The following BTRC variants were observed in gnomAD, a reference collection of about 807,000 sequenced individuals.
BTRC encodes F-box/WD repeat-containing protein 1A.
Under a neutral mutation model 85.5 loss-of-function variants are expected in BTRC, and 42 were observed. The ratio of observed to expected loss-of-function variants is 0.49; its 90% CI spans 0.38 to 0.64. BTRC has a LOEUF of 0.64. Among genes scored for constraint, BTRC ranks in the 30% least tolerant of loss-of-function variants. The probability of loss-of-function intolerance (pLI) is 0.00; values close to 1 mark genes in which losing one functional copy is unlikely to be tolerated. For synonymous variants in BTRC, 255 were observed against 263.3 expected, an observed-to-expected ratio of 0.97 and a Z score of 0.30; for missense variants, 594 against 743.5, an observed-to-expected ratio of 0.80 and a Z score of 2.34.
At chr10:101,521,907 A>G (rs770662492) in intron 5 of BTRC, 37 bp downstream of exon 5, 11 of 1,502,020 alleles carry the variant, frequency 7.3e-6, no homozygotes, top group South Asian at 1.2e-5. Context: ...TTAATTTGCT[A>G]TGATGATAAG....
intron 1 of BTRC, chr10:101,354,610 G>T (rs982819222): frequency 1.4e-5 from 4 of 279,204 alleles, no homozygotes; most frequent in Non-Finnish European, 2.7e-5. Flanking sequence ...AGGGTTACCG[G>T]TAAGGCCCGG....
At chr10:101,433,031 G>A (rs1944441189) in intron 2 of BTRC, among the ~76,000 whole-genome samples, 1 of 152,094 alleles carries the variant, frequency 6.6e-6, no homozygotes, top group Non-Finnish European at 1.5e-5. Context: ...CATTTGTCCA[G>A]TCGCTAAATC....
chr10:101,354,455 G>C (rs1009667475), intron 1 of BTRC: 1 of 540,960 alleles, frequency 1.8e-6, no homozygotes, highest in Admixed American at 4.0e-5. Context: ...GAGAGGCCAA[G>C]TGACAGCGGG....
chr10:101,532,784 G>GTGTGTGTGTGTGTGTGTGTGTGTGTGTA (rs373538962), intron 8 of BTRC, among the ~76,000 whole-genome samples, 168 bp from the exon 9 acceptor site: 1 of 145,766 alleles, frequency 6.9e-6, no homozygotes, highest in Non-Finnish European at 1.5e-5. Flanking sequence ...GTGTGTGTGT[G>GTGTGTGTGTGTGTGTGTGTGTGTGTGTA]TGTGTGCGCG....
intron 1 of BTRC, among the ~76,000 whole-genome samples, chr10:101,426,745 T>C (rs1944261532): frequency 6.6e-6 from 1 of 152,272 alleles, no homozygotes; most frequent in South Asian, 2.1e-4. Context: ...AATAAATATG[T>C]ATATTTTAAT....
chr10:101,364,154 T>C (rs1942296456), intron 1 of BTRC, among the ~76,000 whole-genome samples: 1 of 152,116 alleles, frequency 6.6e-6, no homozygotes, highest in South Asian at 2.1e-4. Flanking sequence ...ACTATTGTGC[T>C]TTCTTCTTTC....
chr10:101,465,153 G>A (rs1177367723), intron 3 of BTRC, among the ~76,000 whole-genome samples: 1 of 152,070 alleles, frequency 6.6e-6, no homozygotes, highest in African/African-American at 2.4e-5. Flanking sequence ...TAGACAAAAA[G>A]ATGTCAAGGC....
chr10:101,440,463 A>G (rs888584247), intron 2 of BTRC, among the ~76,000 whole-genome samples: 4 of 152,128 alleles, frequency 2.6e-5, no homozygotes, highest in African/African-American at 4.8e-5. Flanking sequence ...GCTCATACCT[A>G]TAATCTCAAT....
chr10:101,550,995 A>T, intron 14 of BTRC, 104 bp downstream of exon 14: 1 of 1,060,334 alleles, frequency 9.4e-7, no homozygotes, highest in Non-Finnish European at 1.3e-6. Flanking sequence ...TGGGTCACCA[A>T]CTCCTGTAAA....
intron 1 of BTRC, among the ~76,000 whole-genome samples, chr10:101,371,979 T>C (rs891758348): frequency 1.3e-5 from 2 of 152,160 alleles, no homozygotes; most frequent in African/African-American, 4.8e-5. Context: ...CTTTTCTTTC[T>C]ATAGCCAGCT....
chr10:101,403,988 GTA>G (rs1302444880), intron 1 of BTRC, among the ~76,000 whole-genome samples: 1,639 of 98,314 alleles, frequency 0.017, 217 homozygotes, highest in Middle Eastern at 0.054. Flanking sequence ...CTATCTATGT[GTA>G]TGTGTGTGTG....
intron 6 of BTRC, among the ~76,000 whole-genome samples, chr10:101,526,564 G>A (rs1002274620): frequency 6.6e-6 from 1 of 152,190 alleles, no homozygotes; most frequent in Admixed American, 6.5e-5. Context: ...CAGATCACTC[G>A]AGGCCAGGAG....
chr10:101,484,872 A>G (rs1945940702), intron 4 of BTRC, among the ~76,000 whole-genome samples: 1 of 152,250 alleles, frequency 6.6e-6, no homozygotes, highest in Non-Finnish European at 1.5e-5. Flanking sequence ...ATTGGGTTAC[A>G]GAGATATACA....
intron 4 of BTRC, among the ~76,000 whole-genome samples, chr10:101,515,043 C>T (rs1280921090): frequency 6.6e-6 from 1 of 151,928 alleles, no homozygotes; most frequent in Non-Finnish European, 1.5e-5. Context: ...GCAGCCTCCA[C>T]CTCCCGGGTT....
chr10:101,488,804 A>G (rs778691136), intron 4 of BTRC, among the ~76,000 whole-genome samples: 7 of 152,164 alleles, frequency 4.6e-5, no homozygotes, highest in Non-Finnish European at 7.4e-5. Flanking sequence ...AAAGCTGGTT[A>G]CCAGGTACCC....
intron 1 of BTRC, among the ~76,000 whole-genome samples, chr10:101,369,750 C>A (rs1942579576): frequency 1.3e-5 from 2 of 152,210 alleles, no homozygotes; most frequent in African/African-American, 2.4e-5. Context: ...ACCATGAGTT[C>A]ACACTGATAT....
chr10:101,359,157 A>G (rs763943861), intron 1 of BTRC, among the ~76,000 whole-genome samples: 5 of 152,304 alleles, frequency 3.3e-5, no homozygotes, highest in East Asian at 1.9e-4. Flanking sequence ...AAACTTGCTT[A>G]CTTACTTCAG....
At position 101,535,456 on chromosome 10, in the gene BTRC, T is replaced by C; in HGVS notation, c.1450T>C (p.Ser484Pro). ...YRDRLVVSGS[S>P]DNTIRLWDIE... ...GGACAGGCTGGTAGTGAGTGGCTCA[T>C]CTGACAACACTATCAGGTGAGCAGC... is the stretch of plus-strand genomic sequence containing the variant. The change falls in exon 11 of 15, where the codon TCT (serine) becomes CCT (proline). Residue 484 changes from serine to proline, a missense_variant. Physicochemically the swap from Ser to Pro is moderately conservative, Grantham distance 74. Coordinates refer to ENST00000370187, the MANE Select transcript of BTRC (RefSeq NM_033637.4). 6.2e-7 allele frequency: 1 copy of C among 1,612,058 alleles called. No homozygotes were observed. The highest frequency in any genetic ancestry group is 2.2e-5 in the East Asian group (1 of 44,868).
At chr10:101,510,423 T>G (rs1372482495) in intron 4 of BTRC, among the ~76,000 whole-genome samples, 1 of 151,256 alleles carries the variant, frequency 6.6e-6, no homozygotes, top group Non-Finnish European at 1.5e-5. Context: ...GGCAGGAGAA[T>G]GGCGTGAACC....
Sources: allele counts gnomAD v4.1 joint callset (sites outside exome capture counted in the v4.1 genomes callset), GRCh38; gene constraint gnomAD v4.1.1; transcripts MANE v1.5; gene names NCBI Gene and HGNC (gene_info 2026-07-23, HGNC 2026-07-21).